Variants in PRELID2 observed in about 807,000 individuals in gnomAD.
PRELID2 encodes the protein PRELI domain containing 2.
In PRELID2, 25 loss-of-function variants were observed where a neutral mutation model predicts 28.4. That is an observed-to-expected ratio of 0.88 (90% confidence interval 0.64 to 1.23). The LOEUF (loss-of-function observed/expected upper bound fraction) is 1.23, where lower values mean the gene tolerates loss of function less well. Ranked by LOEUF, PRELID2 falls within the 50% of genes most tolerant of loss-of-function variation. The pLI, the probability that PRELID2 is intolerant of heterozygous loss-of-function variation, is 0.00. For missense variants in PRELID2, 201 were observed against 214.4 expected (o/e 0.94, Z 0.39); for synonymous variants, 76 against 71.6 (o/e 1.06, Z -0.31).
At chr5:145,741,342 A>ATT (rs1561567581) in intron 1 of PRELID2, among the ~76,000 whole-genome samples, 26 of 4,254 alleles carry the variant, frequency 6.1e-3, no homozygotes, top group Non-Finnish European at 0.014. Flanking sequence ...ATATAAATAA[A>ATT]ATTTATTAAT....
At chr5:145,338,730 T>C in the PRELID2 span, among the ~76,000 whole-genome samples, 2 of 152,226 alleles carry the variant, frequency 1.3e-5, no homozygotes, top group African/African-American at 4.8e-5. Context: ...TTTTCAATCA[T>C]AGTGAGAATT....
At chr5:145,468,832 T>C (rs1324084680), downstream of PRELID2, among the ~76,000 whole-genome samples, 1 of 152,132 alleles carries the variant, frequency 6.6e-6, no homozygotes, top group Non-Finnish European at 1.5e-5. Context: ...GTCAGATGAG[T>C]AGATTGCAAA....
At chr5:145,740,293 T>C (rs1288803491) in intron 1 of PRELID2, among the ~76,000 whole-genome samples, 1 of 93,646 alleles carries the variant, frequency 1.1e-5, no homozygotes, top group South Asian at 3.1e-4. Context: ...TATATATATA[T>C]ATATATATAT....
intron 1 of PRELID2, among the ~76,000 whole-genome samples, chr5:145,559,365 T>TA (rs1012404477): frequency 1.3e-5 from 2 of 151,560 alleles, no homozygotes; most frequent in Non-Finnish European, 2.9e-5. Flanking sequence ...ATGGGGCTAA[T>TA]AAAAAAAAGA....
At chr5:145,495,740 C>T (rs547066152) in intron 1 of PRELID2, among the ~76,000 whole-genome samples, 1 of 152,276 alleles carries the variant, frequency 6.6e-6, no homozygotes, top group South Asian at 2.1e-4. Context: ...TAGCTTAATG[C>T]ATTAATAATG....
chr5:145,339,484 A>G, the PRELID2 span, among the ~76,000 whole-genome samples: 1 of 152,210 alleles, frequency 6.6e-6, no homozygotes, highest in African/African-American at 2.4e-5. Context: ...GAGGTTGCAC[A>G]GAGACATTGC....
At chr5:145,316,759 A>C in the PRELID2 span, among the ~76,000 whole-genome samples, 1 of 152,214 alleles carries the variant, frequency 6.6e-6, no homozygotes, top group Admixed American at 6.5e-5. Context: ...GCTTGTTTGA[A>C]TGAACTCCAT....
intron 1 of PRELID2, among the ~76,000 whole-genome samples, chr5:145,834,077 G>A (rs1446581543): frequency 6.6e-6 from 1 of 152,182 alleles, no homozygotes; most frequent in Admixed American, 6.5e-5. Context: ...AACAGTCTTT[G>A]GGATTCAGGG....
intron 1 of PRELID2, among the ~76,000 whole-genome samples, chr5:145,629,624 T>A (rs1290105219): frequency 6.6e-6 from 1 of 152,168 alleles, no homozygotes; most frequent in Admixed American, 6.5e-5. Context: ...CTAAATTCTT[T>A]AGAGGAATTA....
chr5:145,564,778 C>A (rs1441759299), intron 1 of PRELID2, among the ~76,000 whole-genome samples: 1 of 152,172 alleles, frequency 6.6e-6, no homozygotes, highest in Non-Finnish European at 1.5e-5. Context: ...GATAACCCCC[C>A]TTTCCTAACT....
chr5:145,348,151 CAA>C, the PRELID2 span, among the ~76,000 whole-genome samples: 1 of 152,104 alleles, frequency 6.6e-6, no homozygotes, highest in Non-Finnish European at 1.5e-5. Flanking sequence ...TGGCAACAAA[CAA>C]GAGAAATAAA....
the PRELID2 span, among the ~76,000 whole-genome samples, chr5:145,279,480 G>A: frequency 6.6e-6 from 1 of 152,118 alleles, no homozygotes. Context: ...TTCGTCACCT[G>A]TAAAATGGCA....
chr5:145,338,051 T>C, the PRELID2 span: 4 of 152,098 alleles, frequency 2.6e-5, no homozygotes, highest in East Asian at 5.8e-4. Context: ...CAAAAACAAA[T>C]AAAACATGTA....
chr5:145,781,658 CACACTATATATATACACTT>C, intron 5 of PRELID2, among the ~76,000 whole-genome samples: 1 of 140,830 alleles, frequency 7.1e-6, no homozygotes. Flanking sequence ...ACTATATATA[CACACTATATATATACACTT>C]ATATATATAC....
chr5:145,568,137 C>G (rs1010092922), intron 1 of PRELID2, among the ~76,000 whole-genome samples: 3 of 152,120 alleles, frequency 2.0e-5, no homozygotes, highest in African/African-American at 7.2e-5. Context: ...AAGTGTTTAG[C>G]CATGCATGCT....
chr5:145,435,442 C>T, the PRELID2 span, among the ~76,000 whole-genome samples: 7 of 152,048 alleles, frequency 4.6e-5, no homozygotes, highest in Admixed American at 1.3e-4. Context: ...TGGAGCTGGG[C>T]CCAAGGGAGT....
At chr5:145,367,679 A>G in the PRELID2 span, among the ~76,000 whole-genome samples, 100,235 of 151,732 alleles carry the variant, frequency 0.66, 33,330 homozygotes, top group East Asian at 0.89. Flanking sequence ...TGCCTTTTCC[A>G]TAACGTCAAG....
At chr5:145,317,478 T>C in the PRELID2 span, among the ~76,000 whole-genome samples, 3 of 152,192 alleles carry the variant, frequency 2.0e-5, no homozygotes, top group African/African-American at 7.2e-5. Flanking sequence ...CTCTCTGTTA[T>C]CCTTTGTCTG....
At chr5:145,831,164 T>C (rs1187900114) in intron 1 of PRELID2, among the ~76,000 whole-genome samples, 1 of 152,204 alleles carries the variant, frequency 6.6e-6, no homozygotes, top group African/African-American at 2.4e-5. Flanking sequence ...TGTTAACACA[T>C]GTGACATCCT....
Sources: gnomAD v4.1 joint callset for allele counts (sites outside exome capture counted in the v4.1 genomes callset) on GRCh38, gnomAD v4.1.1 for gene constraint, MANE v1.5 for transcripts, NCBI Gene and HGNC (gene_info 2026-07-23, HGNC 2026-07-21) for gene names.